The following LRP8 variants were observed in gnomAD, a reference collection of about 807,000 sequenced individuals.
LRP8 encodes the protein low-density lipoprotein receptor-related protein 8.
LRP8 carries 46 observed loss-of-function variants against 111.6 expected under a neutral mutation model. That is an observed-to-expected ratio of 0.41 (90% CI 0.33 to 0.53). The LOEUF is 0.53. LRP8 is among the 20% of genes least tolerant of loss of function. The pLI, the probability that LRP8 is intolerant of heterozygous loss-of-function variation, is 0.20. For missense variants in LRP8, 959 were observed against 1,297.4 expected (o/e 0.74, Z 4.01); for synonymous variants, 464 against 511.2 (o/e 0.91, Z 1.24).
intron 2 of LRP8, among the ~76,000 whole-genome samples, chr1:53,290,554 T>C (rs557925276): frequency 6.6e-6 from 1 of 152,258 alleles, no homozygotes; most frequent in East Asian, 1.9e-4. Flanking sequence ...ACACAGGGGA[T>C]GTAGCAGGCT....
At chr1:53,321,192 G>A (rs577969334) in intron 2 of LRP8, among the ~76,000 whole-genome samples, 24 of 152,324 alleles carry the variant, frequency 1.6e-4, no homozygotes, top group Middle Eastern at 3.4e-3. Context: ...CTGCAACTGC[G>A]GGAAGAAAAA....
rs967971631 is a variant in LRP8 at position 53,266,744 on chromosome 1, A to G, written c.1253-97T>C. On this transcript the variant is annotated intron_variant, in intron 8 of 18. Coordinates refer to ENST00000306052, the MANE Select transcript of LRP8 (RefSeq NM_004631.5). This position sits in a 1 kb window ranked among gnomAD's most constrained non-coding sequence, Gnocchi z 5.0. ...CACTGGCTTGCTGGCTGACACATCC[A>G]TTTTCCTTAAAATAGTAGTGACAAT... The G allele has an allele frequency of 1.8e-6, 2 of 1,100,358 alleles. No individual in the cohort carries two copies. Among genetic ancestry groups the G allele is most frequent in the Non-Finnish European group, 2.7e-6 (2 of 735,626 alleles). 68.2% of individuals were successfully genotyped at this position (1,100,358 alleles called of 1,614,324 possible). A position where few individuals can be genotyped will look rare whatever the true frequency, so the allele number is the denominator to read the frequency against.
Position 53,264,232 on chromosome 1 carries a change from C to T in LRP8, c.1592G>A (p.Arg531Gln), listed in dbSNP as rs201001947. 38 of 1,614,064 alleles carry T rather than the reference C, an allele frequency of 2.4e-5. No homozygotes were observed. The highest frequency in any genetic ancestry group is 2.0e-4 in the East Asian group (9 of 44,880). ...GAGGTTACGGCTGAAGAGAGTGCGT[C>T]GGCGGCCACCATCAACTGTGGCCAC... ...ISVATVDGGRRRTLFSRNLSE... is the reference protein window; with the variant it reads ...ISVATVDGGRQRTLFSRNLSE... Residue 531 changes from arginine to glutamine, a missense_variant, in exon 10 of 19, where the codon CGA becomes CAA. This residue lies in a region of LRP8 where 819 missense variants were observed against 1,097.6 expected (regional missense o/e 0.75). Transcript: ENST00000306052.
At chr1:53,290,716 C>A (rs932024724) in intron 2 of LRP8, among the ~76,000 whole-genome samples, 3 of 152,158 alleles carry the variant, frequency 2.0e-5, no homozygotes, top group African/African-American at 7.2e-5. Context: ...TCATAAGGTG[C>A]CCCAGCTTCT....
At chr1:53,300,403 CCCAGGGCCAG>C (rs1288215475) in intron 2 of LRP8, among the ~76,000 whole-genome samples, 1 of 152,188 alleles carries the variant, frequency 6.6e-6, no homozygotes, top group East Asian at 1.9e-4. Context: ...TGGATCCCAG[CCCAGGGCCAG>C]CCAGGGCCCA....
At chr1:53,284,877 A>G (rs1339197239) in intron 3 of LRP8, among the ~76,000 whole-genome samples, 1 of 152,162 alleles carries the variant, frequency 6.6e-6, no homozygotes, top group African/African-American at 2.4e-5. Flanking sequence ...GCAGGAGACC[A>G]AGGCCCAGAG....
chr1:53,263,847 G>A (rs534509015), intron 10 of LRP8, among the ~76,000 whole-genome samples: 1 of 152,254 alleles, frequency 6.6e-6, no homozygotes, highest in Non-Finnish European at 1.5e-5. Context: ...GGAAGTATGT[G>A]AGCAGCTGTC....
At chr1:53,315,304 C>T (rs1400590101) in intron 2 of LRP8, among the ~76,000 whole-genome samples, 2 of 152,150 alleles carry the variant, frequency 1.3e-5, no homozygotes, top group Non-Finnish European at 2.9e-5. Context: ...TGCAGCAGCC[C>T]AGTAAGGATG....
chr1:53,269,245 A>G (rs1557775743), intron 8 of LRP8, among the ~76,000 whole-genome samples: 1 of 152,174 alleles, frequency 6.6e-6, no homozygotes, highest in African/African-American at 2.4e-5. Flanking sequence ...TCAGCCTGAA[A>G]TGCTTGTTCC....
At chr1:53,258,055 G>C in intron 14 of LRP8, 1 of 287,524 alleles carries the variant, frequency 3.5e-6, no homozygotes, top group Non-Finnish European at 6.5e-6. Context: ...TTTTTAAAGC[G>C]TTCCAGAAAC....
At chr1:53,287,728 GGAGGCAGGAGGAAT>G (rs1455403750) in intron 3 of LRP8, among the ~76,000 whole-genome samples, 1 of 152,208 alleles carries the variant, frequency 6.6e-6, no homozygotes, top group Non-Finnish European at 1.5e-5. Context: ...AGCGGGCCTG[GGAGGCAGGAGGAAT>G]GAGGCAGGAG....
chr1:53,277,952 T>C (rs939112698), intron 4 of LRP8, among the ~76,000 whole-genome samples: 1 of 152,140 alleles, frequency 6.6e-6, no homozygotes, highest in Non-Finnish European at 1.5e-5. Flanking sequence ...GGCCCAGGTA[T>C]GAGGTATAAT....
chr1:53,246,185 T>A lies in LRP8; in HGVS notation c.*833A>T, dbSNP rs1645722736. The A allele has an allele frequency of 6.6e-6, 1 of 152,170 alleles. No individual in the cohort carries two copies. The highest frequency in any genetic ancestry group is 2.4e-5 in the African/African-American group (1 of 41,426). The allele number at this position is 152,170 out of a possible 1,614,324, so 9.4% of individuals were successfully genotyped here. On this transcript the variant is annotated 3_prime_UTR_variant, in exon 19 of 19. Coordinates refer to ENST00000306052, the MANE Select transcript of LRP8 (RefSeq NM_004631.5). ...AAAGGCTTTTCCTGACTTCCTGGGGTCTCAGGAATAGCCAGAGGTGAAAAG... is the reference window on the plus strand; with the variant it reads ...AAAGGCTTTTCCTGACTTCCTGGGGACTCAGGAATAGCCAGAGGTGAAAAG...
intron 16 of LRP8, among the ~76,000 whole-genome samples, chr1:53,253,115 T>A (rs1269277098): frequency 2.6e-5 from 4 of 152,008 alleles, no homozygotes; most frequent in Non-Finnish European, 5.9e-5. Context: ...AAAATTTAAA[T>A]TCCAAATAGA....
chr1:53,277,077 C>G lies in LRP8; in HGVS notation c.498G>C (p.Leu166Phe). 1 of 1,517,922 alleles carries G rather than the reference C, an allele frequency of 6.6e-7. No homozygotes were observed. Among genetic ancestry groups the G allele is most frequent in the South Asian group, 1.2e-5 (1 of 83,476 alleles). 94.0% of individuals were successfully genotyped at this position (1,517,922 alleles called of 1,614,324 possible). A position where few individuals can be genotyped will look rare whatever the true frequency, so the allele number is the denominator to read the frequency against. ...CGCACTGGAACTCGTGCGGGGCGCACACTGCGCGGGACAGAGAGCCGGTCG... is the reference window on the plus strand; with the variant it reads ...CGCACTGGAACTCGTGCGGGGCGCAGACTGCGCGGGACAGAGAGCCGGTCG... ...GGADEAGCAT[L>F]CAPHEFQCGN... Residue 166 changes from leucine to phenylalanine, a missense_variant and splice_region_variant, in exon 5 of 19, where the codon TTG becomes TTC. Transcript: ENST00000306052.
chr1:53,296,659 T>A (rs563415885), intron 2 of LRP8, among the ~76,000 whole-genome samples: 1 of 152,328 alleles, frequency 6.6e-6, no homozygotes, highest in African/African-American at 2.4e-5. Context: ...AGGAAGCTAC[T>A]ATTAAACTGT....
chr1:53,247,835 C>G (rs540338684), intron 18 of LRP8, among the ~76,000 whole-genome samples: 50 of 152,332 alleles, frequency 3.3e-4, no homozygotes, highest in Non-Finnish European at 5.6e-4. Flanking sequence ...TCCGTTCATT[C>G]TGAGTGTTTT....
chr1:53,279,564 C>CT lies in LRP8; in HGVS notation c.496+1022dup, dbSNP rs1330029956. On this transcript the variant is annotated intron_variant, in intron 4 of 18. Transcript: ENST00000306052. This position sits in a 1 kb window ranked among gnomAD's most constrained non-coding sequence, Gnocchi z 4.4. ...TCCCTCCATACCCAGATGCTTCCTG[C>CT]TTCAGACACATCAAATTCCAGACTT... is the stretch of plus-strand genomic sequence containing the variant. Among the ~76,000 whole-genome samples, 2 of 152,206 alleles carry CT rather than the reference C, an allele frequency of 1.3e-5. No individual in the cohort carries two copies. The highest frequency in any genetic ancestry group is 4.8e-5 in the African/African-American group (2 of 41,448).
intron 3 of LRP8, among the ~76,000 whole-genome samples, chr1:53,289,112 C>T (rs375024187): frequency 1.8e-4 from 28 of 152,328 alleles, no homozygotes; most frequent in Admixed American, 5.2e-4. Flanking sequence ...CAGTGTTCTC[C>T]GTTACAAAAC....
Sources: gnomAD v4.1 joint callset for allele counts (sites outside exome capture counted in the v4.1 genomes callset) on GRCh38, gnomAD v4.1.1 for gene constraint, gnomAD v4.1.1 regional missense constraint, Gnocchi (gnomAD v3.1) non-coding constraint, MANE v1.5 for transcripts, NCBI Gene and HGNC (gene_info 2026-07-23, HGNC 2026-07-21) for gene names.